Variants in IHO1 observed in about 807,000 individuals in gnomAD.
IHO1 encodes interactor of HORMAD1 protein 1.
In IHO1, 13 loss-of-function variants were observed where a neutral mutation model predicts 31.0. That is an observed-to-expected ratio of 0.42 (90% CI 0.27 to 0.67). IHO1 has a LOEUF of 0.67. IHO1 is among the 30% of genes least tolerant of loss of function. IHO1 has a pLI of 0.24. For synonymous variants in IHO1, 221 were observed against 248.4 expected, an observed-to-expected ratio of 0.89 and a Z score of 1.04; for missense variants, 599 against 687.5, an observed-to-expected ratio of 0.87 and a Z score of 1.44.
intron 1 of IHO1, among the ~76,000 whole-genome samples, chr3:49,202,805 A>T (rs1367741937): frequency 6.0e-5 from 9 of 149,506 alleles, no homozygotes; most frequent in Non-Finnish European, 1.2e-4. Context: ...CCTCCCAAGT[A>T]GCTGGAACTA....
At chr3:49,225,174 G>A (rs1051640579) in intron 2 of IHO1, among the ~76,000 whole-genome samples, 1 of 152,180 alleles carries the variant, frequency 6.6e-6, no homozygotes, top group Non-Finnish European at 1.5e-5. Context: ...GATGTATAAA[G>A]AGAAGTTTTG....
chr3:49,233,150 G>A (rs760290335), intron 2 of IHO1, among the ~76,000 whole-genome samples: 22 of 152,288 alleles, frequency 1.4e-4, no homozygotes, highest in Middle Eastern at 3.4e-3. Context: ...CTCAGTCAGC[G>A]TGCCACGGCC....
intron 1 of IHO1, among the ~76,000 whole-genome samples, chr3:49,206,364 G>A (rs2046137472): frequency 1.3e-5 from 2 of 151,842 alleles, no homozygotes. Flanking sequence ...CCAAAGTTCT[G>A]GGATTACAGG....
At chr3:49,202,747 C>T (rs1477941432) in intron 1 of IHO1, among the ~76,000 whole-genome samples, 1 of 151,896 alleles carries the variant, frequency 6.6e-6, no homozygotes, top group African/African-American at 2.4e-5. Flanking sequence ...GCAGTCTTGG[C>T]TCACTGCAAC....
chr3:49,246,055 G>A (rs987882571), intron 6 of IHO1, among the ~76,000 whole-genome samples: 1 of 151,768 alleles, frequency 6.6e-6, no homozygotes. Context: ...GGTGGTGGGC[G>A]CCTGTAGTCC....
chr3:49,243,372 T>G (rs2046654263), intron 4 of IHO1, among the ~76,000 whole-genome samples: 1 of 151,996 alleles, frequency 6.6e-6, no homozygotes, highest in African/African-American at 2.4e-5. Context: ...CTCAAACTCC[T>G]GACCTCAGGT....
chr3:49,245,151 A>C (rs1274549950), intron 6 of IHO1: 1 of 374,644 alleles, frequency 2.7e-6, no homozygotes, highest in Non-Finnish European at 4.8e-6. Context: ...CCTTGGTTTC[A>C]GTGAGAGCTG....
At position 49,247,673 on chromosome 3, in the gene IHO1, C is replaced by T. The variant is rs143292148; in HGVS notation, c.532+2940C>T. Among the ~76,000 whole-genome samples, 418 of 152,062 alleles carry T rather than the reference C, an allele frequency of 2.7e-3. 3 individuals carry two copies. Among genetic ancestry groups the T allele is most frequent in the African/African-American group, 9.4e-3 (388 of 41,484 alleles). On this transcript the variant is annotated intron_variant, in intron 6 of 7. Transcript: ENST00000452691. ...GGCATGGGACATATGCCTGTAGTCC[C>T]AGGTACTAGGGAGGGTGAGGTGGGA...
At chr3:49,215,635 TA>T (rs893717065) in intron 2 of IHO1, among the ~76,000 whole-genome samples, 3 of 152,186 alleles carry the variant, frequency 2.0e-5, no homozygotes, top group African/African-American at 7.2e-5. Context: ...AAGAAGGCTT[TA>T]ATTGGGTGCT....
chr3:49,219,140 T>C (rs2107696387), intron 2 of IHO1, among the ~76,000 whole-genome samples: 1 of 152,292 alleles, frequency 6.6e-6, no homozygotes, highest in Admixed American at 6.5e-5. Flanking sequence ...GAAACCCCAT[T>C]GTTGGGAACA....
upstream of IHO1, among the ~76,000 whole-genome samples, chr3:49,193,681 A>G (rs1323291839): frequency 7.2e-6 from 1 of 139,142 alleles, no homozygotes; most frequent in South Asian, 2.2e-4. Flanking sequence ...AAAAAAAAAA[A>G]GGCCAGGTGC....
chr3:49,249,576 C>G (rs140989511), intron 6 of IHO1, among the ~76,000 whole-genome samples: 1 of 152,224 alleles, frequency 6.6e-6, no homozygotes, highest in East Asian at 1.9e-4. Context: ...CCATGGACAA[C>G]ATTTTTATAA....
chr3:49,235,279 T>C (rs1488676497), intron 2 of IHO1, among the ~76,000 whole-genome samples: 2 of 148,402 alleles, frequency 1.3e-5, no homozygotes, highest in Admixed American at 6.9e-5. Context: ...CAGGCTGGAG[T>C]GCAGTGGTGC....
At chr3:49,213,897 G>A (rs1207893541) in intron 2 of IHO1, 21 of 325,348 alleles carry the variant, frequency 6.5e-5, no homozygotes, top group South Asian at 1.1e-4. Flanking sequence ...ATAGTGCAGC[G>A]ACAGGCTGAA....
At chr3:49,211,259 C>T (rs1014911544) in intron 1 of IHO1, among the ~76,000 whole-genome samples, 2 of 152,026 alleles carry the variant, frequency 1.3e-5, no homozygotes, top group African/African-American at 2.4e-5. Flanking sequence ...CCGCCCTCCT[C>T]GGCCTCCCAA....
At chr3:49,253,020 A>G (rs2046779012) in intron 6 of IHO1, among the ~76,000 whole-genome samples, 1 of 151,758 alleles carries the variant, frequency 6.6e-6, no homozygotes. Context: ...CAGCCTGGCA[A>G]TAGAATGAGA....
chr3:49,200,446 C>A lies in IHO1; in HGVS notation c.-16+873C>A, dbSNP rs746024932. 2.1e-4 allele frequency: 69 copies of A among 333,494 alleles called. No homozygotes were observed. In the East Asian group the frequency reaches 2.1e-3, roughly 10 times the overall value. 20.7% of individuals were successfully genotyped at this position (333,494 alleles called of 1,614,324 possible). On this transcript the variant is annotated intron_variant, in intron 1 of 7. Transcript: ENST00000452691. ...CGCCACTGCACTCCAGCCTGGGCGA[C>A]AGAGTGAGACTCGGTCTCAAAAAAA...
intron 2 of IHO1, among the ~76,000 whole-genome samples, chr3:49,233,173 G>T (rs1575579216): frequency 6.6e-6 from 1 of 152,142 alleles, no homozygotes; most frequent in Non-Finnish European, 1.5e-5. Context: ...ACTATGTTCA[G>T]CTGGTTTAAA....
intron 1 of IHO1, among the ~76,000 whole-genome samples, chr3:49,205,886 C>T (rs2046130666): frequency 6.6e-6 from 1 of 151,900 alleles, no homozygotes; most frequent in Non-Finnish European, 1.5e-5. Flanking sequence ...TCTCTTGCCT[C>T]AGCCTCCTGA....
Sources: allele counts gnomAD v4.1 joint callset (sites outside exome capture counted in the v4.1 genomes callset), GRCh38; gene constraint gnomAD v4.1.1; transcripts MANE v1.5; gene names NCBI Gene and HGNC (gene_info 2026-07-23, HGNC 2026-07-21).